TBC1D8: variants seen among roughly 807,000 people sequenced by gnomAD.
TBC1D8 encodes TBC1 domain family member 8, also known as BUB2-like protein 1.
A neutral mutation model predicts 118.8 loss-of-function variants in TBC1D8; 65 were observed. The ratio of observed to expected loss-of-function variants is 0.55; its 90% confidence interval spans 0.45 to 0.67. The LOEUF (loss-of-function observed/expected upper bound fraction) is 0.67, where lower values mean the gene tolerates loss of function less well. Among genes scored for constraint, TBC1D8 ranks in the 30% least tolerant of loss-of-function variants. The pLI is 0.00. For missense variants in TBC1D8, 1,376 were observed against 1,471.2 expected (o/e 0.94, Z 1.06); for synonymous variants, 566 against 595.8 (o/e 0.95, Z 0.73).
At chr2:101,025,798 A>G (rs10185855) in intron 15 of TBC1D8, among the ~76,000 whole-genome samples, 52,390 of 152,076 alleles carry the variant, frequency 0.34, 9,257 homozygotes, top group Middle Eastern at 0.41. Flanking sequence ...TTCAGGCCCC[A>G]ATGGCTCCAG....
chr2:101,135,069 G>A (rs1267716172), intron 1 of TBC1D8, among the ~76,000 whole-genome samples: 1 of 152,188 alleles, frequency 6.6e-6, no homozygotes, highest in Non-Finnish European at 1.5e-5. Flanking sequence ...CTACTCAGGA[G>A]GCTGAGGCAG....
intron 1 of TBC1D8, among the ~76,000 whole-genome samples, chr2:101,093,445 G>A (rs932422117): frequency 4.6e-5 from 7 of 152,032 alleles, no homozygotes; most frequent in South Asian, 2.1e-4. Flanking sequence ...AGAGAAAAGC[G>A]AGTTCACACC....
rs779691719 is a variant in TBC1D8, at chr2:101,038,483, T to C, written c.1253A>G (p.Asp418Gly). 4 of 1,613,558 alleles carry C rather than the reference T, an allele frequency of 2.5e-6. No individual in the cohort carries two copies. In the Admixed American group the frequency reaches 5.0e-5, roughly 20 times the overall value. Residue 418 changes from aspartate to glycine, a missense_variant, in exon 7 of 20, where the codon GAC becomes GGC. Physicochemically the swap from Asp to Gly is moderately conservative, Grantham distance 94 (BLOSUM62 -1). Transcript: ENST00000409318. ...TACCATGTCATCATCCGCAGAGGTGTCGTAGTGCACGGGGTGGTTGGCGTG... is the reference window on the plus strand; with the variant it reads ...TACCATGTCATCATCCGCAGAGGTGCCGTAGTGCACGGGGTGGTTGGCGTG... ...QVHANHPVHY[D>G]TSADDDMASL... is the part of the protein sequence containing the mutation.
At chr2:101,010,007 T>C (rs910508606) in intron 19 of TBC1D8, among the ~76,000 whole-genome samples, 33 of 151,922 alleles carry the variant, frequency 2.2e-4, no homozygotes, top group African/African-American at 7.5e-4. Flanking sequence ...TTTGTATTTT[T>C]AGTAGAGACG....
In TBC1D8 at chr2:101,022,266, C is replaced by A. The variant is rs753908085; in HGVS notation, c.2761+15G>T. The A allele has an allele frequency of 6.2e-7, 1 of 1,613,288 alleles. No homozygotes were observed. Among genetic ancestry groups the A allele is most frequent in the Admixed American group, 1.7e-5 (1 of 59,934 alleles). Reference sequence around the variant, plus strand: ...ACCCCAAAGCACATCACTGCGAAATCCCACAGAGGCATACCGAGGCAGCTC... The same window carrying A: ...ACCCCAAAGCACATCACTGCGAAATACCACAGAGGCATACCGAGGCAGCTC... On this transcript the variant is annotated intron_variant, in intron 16 of 19. Transcript: ENST00000409318.
intron 2 of TBC1D8, among the ~76,000 whole-genome samples, chr2:101,072,661 G>C (rs1674529167): frequency 6.6e-6 from 1 of 152,164 alleles, no homozygotes; most frequent in South Asian, 2.1e-4. Context: ...CGCATGCACA[G>C]TTCACAATAG....
chr2:101,020,966 T>C (rs1484912657), intron 17 of TBC1D8, among the ~76,000 whole-genome samples: 1 of 151,858 alleles, frequency 6.6e-6, no homozygotes, highest in Non-Finnish European at 1.5e-5. Context: ...GTTGGGGGGG[T>C]TCTTGGGACA....
At chr2:101,054,631 T>A in intron 3 of TBC1D8, among the ~76,000 whole-genome samples, 1 of 143,872 alleles carries the variant, frequency 7.0e-6, no homozygotes, top group African/African-American at 2.5e-5. Flanking sequence ...ATTTGACTTC[T>A]AAGCCCGGTT....
At chr2:101,067,175 T>G (rs1683063060) in intron 2 of TBC1D8, among the ~76,000 whole-genome samples, 1 of 152,228 alleles carries the variant, frequency 6.6e-6, no homozygotes, top group South Asian at 2.1e-4. Context: ...CAAATGCACC[T>G]TGCTAAATCT....
At chr2:101,085,797 A>T (rs1440306090) in intron 2 of TBC1D8, among the ~76,000 whole-genome samples, 1 of 152,240 alleles carries the variant, frequency 6.6e-6, no homozygotes, top group African/African-American at 2.4e-5. Flanking sequence ...CTAATGGGTA[A>T]CAGATTAAAA....
At chr2:101,018,975 C>T in intron 17 of TBC1D8, 1 of 1,609,704 alleles carries the variant, frequency 6.2e-7, no homozygotes, top group South Asian at 1.1e-5. Context: ...GGTACCAAAT[C>T]ATCTGTAATA....
chr2:101,108,142 T>A (rs1677345892), intron 1 of TBC1D8, among the ~76,000 whole-genome samples: 1 of 151,986 alleles, frequency 6.6e-6, no homozygotes, highest in African/African-American at 2.4e-5. Context: ...CTGATGAGAA[T>A]GGCACTTTAT....
chr2:101,140,158 A>C (rs912897835), intron 1 of TBC1D8, among the ~76,000 whole-genome samples: 2 of 152,194 alleles, frequency 1.3e-5, no homozygotes, highest in African/African-American at 4.8e-5. Flanking sequence ...AGACCCTACA[A>C]AGAGTGGGTT....
chr2:101,124,811 G>A (rs756645164), intron 1 of TBC1D8, among the ~76,000 whole-genome samples: 2 of 152,182 alleles, frequency 1.3e-5, no homozygotes, highest in Non-Finnish European at 2.9e-5. Context: ...TACAATCAGA[G>A]AGTGATGAAG....
At chr2:101,144,369 G>A (rs1265742970) in intron 1 of TBC1D8, among the ~76,000 whole-genome samples, 1 of 152,126 alleles carries the variant, frequency 6.6e-6, no homozygotes, top group Admixed American at 6.5e-5. Flanking sequence ...GAGCCCCAAA[G>A]GTTCACAAGA....
chr2:101,032,818 G>A (rs1680751413), intron 10 of TBC1D8: 1 of 164,776 alleles, frequency 6.1e-6, no homozygotes, highest in African/African-American at 2.4e-5. Flanking sequence ...GGCTTGTGCT[G>A]GGTTTGGCTG....
chr2:101,128,000 A>T (rs1032078950), intron 1 of TBC1D8, among the ~76,000 whole-genome samples: 4 of 152,192 alleles, frequency 2.6e-5, no homozygotes, highest in African/African-American at 9.6e-5. Context: ...CCAATTACTC[A>T]TAACATTCTT....
In TBC1D8 at chr2:101,040,344, AAAGCCCGG is replaced by A. The variant is rs1398548908; in HGVS notation, c.906_913del (p.Arg303LeufsTer34). ...CTTCTCCTTCCTCGGCAACCTGAAG[AAAGCCCGG>A]AAGAACTCATTCTGTGCTCTGGCTT... On this transcript the variant is annotated frameshift_variant, in exon 6 of 20. Coordinates refer to ENST00000409318, the MANE Select transcript of TBC1D8 (RefSeq NM_001330348.2). LOFTEE classifies it high-confidence loss of function. The A allele has an allele frequency of 9.9e-6, 16 of 1,611,646 alleles. No homozygotes were observed. The highest frequency in any genetic ancestry group is 1.3e-5 in the Non-Finnish European group (15 of 1,178,684).
intron 2 of TBC1D8, among the ~76,000 whole-genome samples, chr2:101,065,337 C>T (rs1195747247): frequency 6.6e-6 from 1 of 152,190 alleles, no homozygotes; most frequent in Non-Finnish European, 1.5e-5. Context: ...AATGCCTGGG[C>T]TAAAAGCCAT....
Sources: gnomAD v4.1 joint callset for allele counts (sites outside exome capture counted in the v4.1 genomes callset) on GRCh38, gnomAD v4.1.1 for gene constraint, MANE v1.5 for transcripts, NCBI Gene and HGNC (gene_info 2026-07-23, HGNC 2026-07-21) for gene names.